The following PARD3 variants were observed in gnomAD, a reference collection of about 807,000 sequenced individuals.
The protein encoded by PARD3 is partitioning defective 3 homolog.
In PARD3, 75 loss-of-function variants were observed where a neutral mutation model predicts 155.4. The observed-to-expected ratio is 0.48, with a 90% CI of 0.40 to 0.58. The LOEUF (loss-of-function observed/expected upper bound fraction) is 0.58. PARD3 is among the 20% of genes least tolerant of loss of function. The probability of loss-of-function intolerance (pLI) is 0.00; values close to 1 mark genes in which losing one functional copy is unlikely to be tolerated. For missense variants in PARD3, 1,642 were observed against 1,721.7 expected (o/e 0.95, Z 0.82); for synonymous variants, 576 against 610.5 (o/e 0.94, Z 0.83).
At chr10:34,293,441 T>TC (rs1212405131) in intron 20 of PARD3, among the ~76,000 whole-genome samples, 19 of 152,084 alleles carry the variant, frequency 1.2e-4, no homozygotes, top group Non-Finnish European at 2.5e-4. Flanking sequence ...TATTTCTGTT[T>TC]CTCCCAACTA....
At chr10:34,632,338 G>A (rs1325774187) in intron 2 of PARD3, among the ~76,000 whole-genome samples, 1 of 152,158 alleles carries the variant, frequency 6.6e-6, no homozygotes, top group Non-Finnish European at 1.5e-5. Flanking sequence ...CTAATCCTAA[G>A]AAGTACTCCC....
In PARD3 at chr10:34,145,094, T is replaced by G. The variant is rs554449423; in HGVS notation, c.3420-13511A>C. On this transcript the variant is annotated intron_variant, in intron 22 of 24. Transcript: ENST00000374788. Reference sequence around the variant, plus strand: ...GTAACAAAACATTACCCTTCAATATTTGAATGTGTTGCTCTATTATCTTCT... The same window carrying G: ...GTAACAAAACATTACCCTTCAATATGTGAATGTGTTGCTCTATTATCTTCT... Among the ~76,000 whole-genome samples the G allele has an allele frequency of 5.6e-4, 85 of 150,890 alleles. 1 individual carries two copies. The highest frequency in any genetic ancestry group is 2.0e-3 in the African/African-American group (84 of 41,080).
intron 5 of PARD3, among the ~76,000 whole-genome samples, chr10:34,436,772 C>T (rs1459127739): frequency 6.6e-6 from 1 of 151,850 alleles, no homozygotes; most frequent in Non-Finnish European, 1.5e-5. Context: ...AAATGGACAC[C>T]TTTTATGTGT....
intron 2 of PARD3, among the ~76,000 whole-genome samples, chr10:34,572,893 C>T (rs2086546310): frequency 1.3e-5 from 2 of 151,970 alleles, no homozygotes; most frequent in Admixed American, 6.6e-5. Flanking sequence ...TGAATTTTAA[C>T]ATAAAATCCA....
intron 5 of PARD3, among the ~76,000 whole-genome samples, chr10:34,440,682 T>C (rs1052120256): frequency 6.6e-6 from 1 of 152,078 alleles, no homozygotes; most frequent in Non-Finnish European, 1.5e-5. Flanking sequence ...TTTAGCTCCA[T>C]AGGCCAAAGA....
In PARD3 at chr10:34,109,992, G is replaced by T. The variant is rs2132612317; in HGVS notation, c.*1177C>A. ...AATGAAGGAAGATGGGAGCCACCGAGATCCCCGAGACCCACACACACACTC... is the reference window on the plus strand; with the variant it reads ...AATGAAGGAAGATGGGAGCCACCGATATCCCCGAGACCCACACACACACTC... On this transcript the variant is annotated 3_prime_UTR_variant, in exon 25 of 25. Coordinates refer to ENST00000374788, the MANE Select transcript of PARD3 (RefSeq NM_001184785.2). The T allele has an allele frequency of 6.6e-6, 1 of 152,080 alleles. No homozygotes were observed. The highest frequency in any genetic ancestry group is 1.5e-5 in the Non-Finnish European group (1 of 68,000). 9.4% of individuals were successfully genotyped at this position (152,080 alleles called of 1,614,324 possible).
intron 11 of PARD3, among the ~76,000 whole-genome samples, chr10:34,373,443 T>C (rs768090388): frequency 1.8e-4 from 27 of 152,048 alleles, no homozygotes; most frequent in Middle Eastern, 3.2e-3. Flanking sequence ...GTCTAAGCTT[T>C]GGCAATCTAA....
chr10:34,791,965 C>T (rs1841686951), intron 1 of PARD3, among the ~76,000 whole-genome samples: 1 of 152,166 alleles, frequency 6.6e-6, no homozygotes, highest in South Asian at 2.1e-4. Context: ...ACGGACTTCC[C>T]TCTCTGCTTC....
chr10:34,788,924 C>G (rs753457507), intron 1 of PARD3, among the ~76,000 whole-genome samples: 3 of 152,190 alleles, frequency 2.0e-5, no homozygotes, highest in Non-Finnish European at 4.4e-5. Flanking sequence ...ATCTGGAAAG[C>G]AAACTGGCCA....
At chr10:34,391,943 C>T (rs1299469357) in intron 7 of PARD3, among the ~76,000 whole-genome samples, 2 of 152,156 alleles carry the variant, frequency 1.3e-5, no homozygotes, top group Non-Finnish European at 2.9e-5. Context: ...ATCACTTGAG[C>T]TCAGGAGTTC....
intron 2 of PARD3, among the ~76,000 whole-genome samples, chr10:34,622,733 T>C (rs913579748): frequency 1.3e-5 from 2 of 152,064 alleles, no homozygotes; most frequent in Non-Finnish European, 2.9e-5. Context: ...GATAATTTTG[T>C]TAGGAGAAAA....
At chr10:34,355,938 AAAAAAAAAC>A (rs1838786457) in intron 14 of PARD3, among the ~76,000 whole-genome samples, 4 of 132,560 alleles carry the variant, frequency 3.0e-5, no homozygotes, top group Admixed American at 2.8e-4. Context: ...AAAAAAAAAA[AAAAAAAAAC>A]AAAACAAAAC....
At chr10:34,339,375 A>C (rs1489466757) in intron 16 of PARD3, among the ~76,000 whole-genome samples, 1 of 152,134 alleles carries the variant, frequency 6.6e-6, no homozygotes, top group Non-Finnish European at 1.5e-5. Flanking sequence ...AACAAAAACA[A>C]AACAAAAAAA....
intron 22 of PARD3, among the ~76,000 whole-genome samples, chr10:34,261,563 C>T (rs1165413734): frequency 1.3e-5 from 2 of 151,898 alleles, no homozygotes; most frequent in Non-Finnish European, 2.9e-5. Context: ...ATGGCACGTG[C>T]CTGTAATCCC....
At chr10:34,411,469 G>A (rs1334109795) in intron 5 of PARD3, among the ~76,000 whole-genome samples, 1 of 149,774 alleles carries the variant, frequency 6.7e-6, no homozygotes, top group East Asian at 1.9e-4. Context: ...TTGGAGACCT[G>A]AATAGAACAA....
intron 1 of PARD3, among the ~76,000 whole-genome samples, chr10:34,699,319 C>T (rs1411913507): frequency 2.0e-5 from 2 of 98,850 alleles, no homozygotes; most frequent in Non-Finnish European, 5.1e-5. Context: ...GAGCATGCTG[C>T]ATTAAAAATA....
At chr10:34,675,354 T>C (rs922418392) in intron 2 of PARD3, among the ~76,000 whole-genome samples, 3 of 152,318 alleles carry the variant, frequency 2.0e-5, no homozygotes, top group Admixed American at 2.0e-4. Context: ...TTCAGATATA[T>C]AGATAATAAT....
At chr10:34,148,813 T>C (rs1027393985) in intron 22 of PARD3, among the ~76,000 whole-genome samples, 1 of 152,200 alleles carries the variant, frequency 6.6e-6, no homozygotes. Context: ...CCCTTTTATA[T>C]GTCAAAAACT....
chr10:34,307,763 A>C (rs1957487382), intron 20 of PARD3, among the ~76,000 whole-genome samples: 1 of 152,186 alleles, frequency 6.6e-6, no homozygotes, highest in East Asian at 1.9e-4. Context: ...GGCATCTGTT[A>C]CACTTACTGG....
Sources: gnomAD v4.1 joint callset for allele counts (sites outside exome capture counted in the v4.1 genomes callset) on GRCh38, gnomAD v4.1.1 for gene constraint, MANE v1.5 for transcripts, NCBI Gene and HGNC (gene_info 2026-07-23, HGNC 2026-07-21) for gene names.